Variants in GALNTL6 observed in about 807,000 individuals in gnomAD.
GALNTL6 encodes the protein polypeptide N-acetylgalactosaminyltransferase like 6.
Under a neutral mutation model 73.7 loss-of-function variants are expected in GALNTL6, and 46 were observed. The ratio of observed to expected loss-of-function variants is 0.62; its 90% CI spans 0.49 to 0.80. The LOEUF (loss-of-function observed/expected upper bound fraction) is 0.80, where lower values mean the gene tolerates loss of function less well. Among genes scored for constraint, GALNTL6 ranks in the 30% least tolerant of loss-of-function variants. The probability of loss-of-function intolerance (pLI) is 0.00; values close to 1 mark genes in which losing one functional copy is unlikely to be tolerated. For missense variants in GALNTL6, 604 were observed against 755.0 expected, an observed-to-expected ratio of 0.80 and a Z score of 2.34; for synonymous variants, 259 against 263.7, an observed-to-expected ratio of 0.98 and a Z score of 0.17.
intron 5 of GALNTL6, among the ~76,000 whole-genome samples, chr4:172,700,029 T>C (rs1244323428): frequency 6.6e-6 from 1 of 152,138 alleles, no homozygotes; most frequent in African/African-American, 2.4e-5. Flanking sequence ...CAATGACCTA[T>C]GCATAAGGAT....
intron 2 of GALNTL6, among the ~76,000 whole-genome samples, chr4:171,960,914 G>T (rs1739202748): frequency 6.6e-6 from 1 of 151,646 alleles, no homozygotes. Context: ...GAAACACAAG[G>T]CTACTCTGCC....
intron 7 of GALNTL6, among the ~76,000 whole-genome samples, chr4:172,823,879 T>C (rs1048263984): frequency 6.6e-6 from 1 of 152,204 alleles, no homozygotes; most frequent in Admixed American, 6.5e-5. Flanking sequence ...GGAGATGATA[T>C]TGATCTTCAG....
intron 5 of GALNTL6, among the ~76,000 whole-genome samples, chr4:172,688,965 T>TG (rs1733098099): frequency 6.6e-6 from 1 of 151,980 alleles, no homozygotes; most frequent in Non-Finnish European, 1.5e-5. Flanking sequence ...CCCTACTCAG[T>TG]AACCCAAAGT....
At chr4:172,632,613 A>G (rs1739446362) in intron 5 of GALNTL6, among the ~76,000 whole-genome samples, 1 of 152,230 alleles carries the variant, frequency 6.6e-6, no homozygotes, top group African/African-American at 2.4e-5. Context: ...GCAATAAAAA[A>G]AAAAAGAAAA....
chr4:172,159,308 A>T (rs1214807572), intron 2 of GALNTL6, among the ~76,000 whole-genome samples: 6 of 152,208 alleles, frequency 3.9e-5, no homozygotes, highest in Non-Finnish European at 8.8e-5. Flanking sequence ...AATGGTGAGC[A>T]AATCGGTTAT....
intron 2 of GALNTL6, among the ~76,000 whole-genome samples, chr4:172,054,829 A>C (rs936053562): frequency 6.6e-6 from 1 of 152,180 alleles, no homozygotes; most frequent in African/African-American, 2.4e-5. Flanking sequence ...AACAAATGAG[A>C]AGTCGTGCCT....
chr4:172,783,997 G>A (rs1455743678), intron 5 of GALNTL6, among the ~76,000 whole-genome samples: 5 of 152,014 alleles, frequency 3.3e-5, no homozygotes, highest in Admixed American at 2.6e-4. Context: ...TCATTTCCTT[G>A]TAAAATGAAA....
chr4:172,730,734 C>T (rs550972416), intron 5 of GALNTL6, among the ~76,000 whole-genome samples: 1 of 152,174 alleles, frequency 6.6e-6, no homozygotes, highest in South Asian at 2.1e-4. Flanking sequence ...TAATGCTGGT[C>T]TTGTAGAATG....
chr4:172,269,161 A>G (rs944925985), intron 3 of GALNTL6, among the ~76,000 whole-genome samples: 1 of 152,128 alleles, frequency 6.6e-6, no homozygotes, highest in Non-Finnish European at 1.5e-5. Context: ...ACTGCTTTGG[A>G]TTATACATTA....
chr4:173,002,736 A>C lies in GALNTL6; in HGVS notation c.1372-6442A>C, dbSNP rs1752099554. On this transcript the variant is annotated intron_variant, in intron 10 of 12. Transcript: ENST00000506823. Reference sequence around the variant, plus strand: ...CTTGAACCCAGGAGGCGGAGGTTGCAGTGAGCCGAGATCGGGCCACTGCAC... The same window carrying C: ...CTTGAACCCAGGAGGCGGAGGTTGCCGTGAGCCGAGATCGGGCCACTGCAC... Among the ~76,000 whole-genome samples the C allele has an allele frequency of 2.0e-5, 3 of 150,046 alleles. No homozygotes were observed. The South Asian group carries it at 6.4e-4, about 32-fold the overall frequency.
intron 2 of GALNTL6, among the ~76,000 whole-genome samples, chr4:172,153,237 T>TA (rs1734153661): frequency 6.6e-6 from 1 of 152,202 alleles, no homozygotes; most frequent in African/African-American, 2.4e-5. Context: ...TAAAAGGGCT[T>TA]ACTGTTTTAC....
At chr4:172,787,232 A>C (rs1201114313) in intron 5 of GALNTL6, among the ~76,000 whole-genome samples, 9 of 152,194 alleles carry the variant, frequency 5.9e-5, no homozygotes, top group African/African-American at 1.9e-4. Flanking sequence ...ACAAGATCAC[A>C]TTATTTTGAA....
At chr4:172,593,502 G>A (rs1737732743) in intron 5 of GALNTL6, among the ~76,000 whole-genome samples, 1 of 152,164 alleles carries the variant, frequency 6.6e-6, no homozygotes, top group African/African-American at 2.4e-5. Flanking sequence ...TATGGAGAGA[G>A]AAAATTATTT....
intron 2 of GALNTL6, among the ~76,000 whole-genome samples, chr4:171,881,395 G>A (rs1182537817): frequency 6.6e-6 from 1 of 152,128 alleles, no homozygotes; most frequent in East Asian, 1.9e-4. Flanking sequence ...TAGAAGTGGG[G>A]CCCAGTGGGA....
intron 4 of GALNTL6, among the ~76,000 whole-genome samples, chr4:172,336,695 G>A (rs1741339549): frequency 6.6e-6 from 1 of 152,168 alleles, no homozygotes; most frequent in Non-Finnish European, 1.5e-5. Context: ...TGTTCTGCAT[G>A]CAGACGAGAA....
At chr4:172,831,612 G>A (rs1263408533) in intron 7 of GALNTL6, among the ~76,000 whole-genome samples, 1 of 152,200 alleles carries the variant, frequency 6.6e-6, no homozygotes, top group Non-Finnish European at 1.5e-5. Context: ...TTTGGCAACT[G>A]ACAGGAACCG....
At chr4:172,875,222 A>G (rs988263015) in intron 7 of GALNTL6, among the ~76,000 whole-genome samples, 1 of 152,212 alleles carries the variant, frequency 6.6e-6, no homozygotes, top group African/African-American at 2.4e-5. Flanking sequence ...CCTCTCAGGC[A>G]GGGTGAGTTT....
At chr4:172,364,422 A>T (rs1380854182) in intron 5 of GALNTL6, among the ~76,000 whole-genome samples, 2 of 152,094 alleles carry the variant, frequency 1.3e-5, no homozygotes, top group Admixed American at 6.6e-5. Flanking sequence ...TGTCTCTAAA[A>T]CAAACAAATT....
chr4:172,643,121 C>G (rs972081962), intron 5 of GALNTL6, among the ~76,000 whole-genome samples: 1 of 151,396 alleles, frequency 6.6e-6, no homozygotes, highest in Non-Finnish European at 1.5e-5. Context: ...AAAAAAATTA[C>G]TGCTAATGCA....
Sources: allele counts gnomAD v4.1 joint callset (sites outside exome capture counted in the v4.1 genomes callset), GRCh38; gene constraint gnomAD v4.1.1; transcripts MANE v1.5; gene names NCBI Gene and HGNC (gene_info 2026-07-23, HGNC 2026-07-21).